Variants in CENPS observed in about 807,000 individuals in gnomAD.
CENPS encodes centromere protein S.
A neutral mutation model predicts 17.9 loss-of-function variants in CENPS; 16 were observed. That is an observed-to-expected ratio of 0.90 (90% CI 0.61 to 1.36). The LOEUF (loss-of-function observed/expected upper bound fraction) is 1.36, where lower values mean the gene tolerates loss of function less well. Ranked by LOEUF, CENPS falls within the 40% of genes most tolerant of loss-of-function variation. The pLI is 0.00. For synonymous variants in CENPS, 49 were observed against 55.8 expected, an observed-to-expected ratio of 0.88 and a Z score of 0.54; for missense variants, 160 against 158.6, an observed-to-expected ratio of 1.01 and a Z score of -0.05.
chr1:10,442,552 T>C lies in CENPS; in HGVS notation c.*147T>C. On this transcript the variant is annotated 3_prime_UTR_variant, in exon 5 of 5. Coordinates refer to ENST00000309048, the MANE Select transcript of CENPS (RefSeq NM_199294.3). Reference sequence around the variant, plus strand: ...GGCTAGGGTGCTTTTTGTGCTGAATTCTCCACATTGTTAACTGCCAAAGCT... The same window carrying C: ...GGCTAGGGTGCTTTTTGTGCTGAATCCTCCACATTGTTAACTGCCAAAGCT... The C allele has an allele frequency of 7.9e-7, 1 of 1,267,466 alleles. No homozygotes were observed. Among genetic ancestry groups the C allele is most frequent in the Non-Finnish European group, 1.0e-6 (1 of 994,114 alleles). The allele number at this position is 1,267,466 out of a possible 1,614,324, so 78.5% of individuals were successfully genotyped here.
chr1:10,433,668 G>A (rs1389921456), intron 1 of CENPS, among the ~76,000 whole-genome samples, 174 bp from the exon 2 acceptor site: 2 of 152,120 alleles, frequency 1.3e-5, no homozygotes, highest in African/African-American at 2.4e-5. Context: ...TCCACAAGTC[G>A]CACTCCAGTG....
chr1:10,437,393 CTTATTTCT>C (rs1232159991), intron 3 of CENPS, among the ~76,000 whole-genome samples: 12 of 117,452 alleles, frequency 1.0e-4, no homozygotes, highest in African/African-American at 3.1e-4. Context: ...ATTCTTATTT[CTTATTTCT>C]TTTTTTTTTT....
At chr1:10,439,611 G>A (rs912729972) in intron 3 of CENPS, among the ~76,000 whole-genome samples, 2 of 152,024 alleles carry the variant, frequency 1.3e-5, no homozygotes, top group South Asian at 2.1e-4. Flanking sequence ...GCATGGTGGC[G>A]GGCGCCTGTA....
intron 1 of CENPS, among the ~76,000 whole-genome samples, chr1:10,433,371 C>T (rs564192828): frequency 1.3e-5 from 2 of 152,260 alleles, no homozygotes; most frequent in East Asian, 1.9e-4. Context: ...TCCTCTGTGA[C>T]GTGCAGGCCT....
intron 1 of CENPS, among the ~76,000 whole-genome samples, chr1:10,431,802 C>T (rs954528565): frequency 1.5e-4 from 22 of 147,364 alleles, no homozygotes; most frequent in Admixed American, 1.4e-3. Context: ...TGCAGTGAGC[C>T]GAGATCGCAC....
rs1437336757 is a variant in CENPS, at chr1:10,440,849, G to A, written c.276+436G>A. Among the ~76,000 whole-genome samples the A allele has an allele frequency of 1.5e-4, 23 of 150,742 alleles. No homozygotes were observed. The Admixed American group carries it at 1.5e-3, about 10-fold the overall frequency. On this transcript the variant is annotated intron_variant, in intron 4 of 4. Transcript: ENST00000309048. ...TCAAGTCTAGAAATCATTTGACCAA[G>A]CCTCCGTTGTTCAGGTGAAGACCCA...
rs773750091 is a variant in CENPS, at chr1:10,434,658, A to G, written c.177A>G (p.Glu59=). Reference sequence around the variant, plus strand: ...GTGTATCTTTTTTTTCTCTTTCAGAAAATTTTGCCAAAGACCTTGAAATGT... The same window carrying G: ...GTGTATCTTTTTTTTCTCTTTCAGAGAATTTTGCCAAAGACCTTGAAATGT... ...AISELTFRQC[E]NFAKDLEMFA... The change falls in exon 3 of 5, where the codon GAA becomes GAG. Residue 59 remains glutamate (E), a splice_region_variant and synonymous_variant. Transcript: ENST00000309048. 11 of 1,605,760 alleles carry G rather than the reference A, an allele frequency of 6.9e-6. No homozygotes were observed. The highest frequency in any genetic ancestry group is 8.5e-6 in the Non-Finnish European group (10 of 1,177,926).
chr1:10,435,742 C>CACACACACACAT lies in CENPS; in HGVS notation c.209+1053_209+1054insCACACACACATA, dbSNP rs1355665711. Among the ~76,000 whole-genome samples, 3 of 150,488 alleles carry CACACACACACAT rather than the reference C, an allele frequency of 2.0e-5. No homozygotes were observed. In the East Asian group the frequency reaches 5.8e-4, roughly 29 times the overall value. On this transcript the variant is annotated intron_variant, in intron 3 of 4. Transcript: ENST00000309048. ...ACACACACACACACACACACATATA[C>CACACACACACAT]ATAAATATTTATATTAGAGACACAG...
intron 1 of CENPS, chr1:10,431,190 G>T: frequency 6.7e-7 from 1 of 1,493,024 alleles, no homozygotes; most frequent in South Asian, 1.3e-5. Context: ...TCAGCGCCGG[G>T]CATATGGGGC....
At chr1:10,441,107 T>C (rs1640388156) in intron 4 of CENPS, among the ~76,000 whole-genome samples, 2 of 152,180 alleles carry the variant, frequency 1.3e-5, no homozygotes, top group African/African-American at 4.8e-5. Context: ...AGTTGTTGAG[T>C]GAATGAATTT....
Position 10,434,460 on chromosome 1 carries a change from G to A in CENPS, c.176-197G>A, listed in dbSNP as rs1405380123. Reference sequence around the variant, plus strand: ...GGGTGAAGGGCTCTGGGAAGGACAAGGAGATCGTCATGAATAAAAAGCTAC... The same window carrying A: ...GGGTGAAGGGCTCTGGGAAGGACAAAGAGATCGTCATGAATAAAAAGCTAC... On this transcript the variant is annotated intron_variant, in intron 2 of 4. Coordinates refer to ENST00000309048, the MANE Select transcript of CENPS (RefSeq NM_199294.3). Among the ~76,000 whole-genome samples, 5 of 152,304 alleles carry A rather than the reference G, an allele frequency of 3.3e-5. No individual in the cohort carries two copies. In the East Asian group the frequency reaches 7.7e-4, roughly 23 times the overall value.
chr1:10,433,727 GA>G, intron 1 of CENPS, 114 bp from the exon 2 acceptor site: 1 of 1,515,850 alleles, frequency 6.6e-7, no homozygotes, highest in East Asian at 2.3e-5. Context: ...AGCCATTATG[GA>G]AAGCGCCAGA....
At chr1:10,432,345 A>G (rs1396019248) in intron 1 of CENPS, among the ~76,000 whole-genome samples, 1 of 152,110 alleles carries the variant, frequency 6.6e-6, no homozygotes, top group Non-Finnish European at 1.5e-5. Flanking sequence ...TTGGCCTCCT[A>G]AAATGCTGAG....
At position 10,433,863 on chromosome 1, in the gene CENPS, T is replaced by C. The variant is rs377530906; in HGVS notation, c.73T>C (p.Tyr25His). Reference sequence around the variant, plus strand: ...CCAGAGGCTAAAGGCAGCAGTTCACTATACTGTGGGTTGTCTTTGCGAGGA... The same window carrying C: ...CCAGAGGCTAAAGGCAGCAGTTCACCATACTGTGGGTTGTCTTTGCGAGGA... ...YQQRLKAAVHYTVGCLCEEVA... is the reference protein window; with the variant it reads ...YQQRLKAAVHHTVGCLCEEVA... Residue 25 changes from tyrosine (Y) to histidine (H), a missense_variant, in exon 2 of 5, where the codon TAT becomes CAT. Transcript: ENST00000309048. The C allele has an allele frequency of 6.2e-7, 1 of 1,614,100 alleles. No homozygotes were observed. The highest frequency in any genetic ancestry group is 8.5e-7 in the Non-Finnish European group (1 of 1,180,042).
At chr1:10,434,068 C>T (rs1466524139) in intron 2 of CENPS, 103 bp downstream of exon 2, 2 of 1,554,034 alleles carry the variant, frequency 1.3e-6, no homozygotes, top group African/African-American at 1.4e-5. Context: ...GACCAGCAGA[C>T]CAAGAATATT....
chr1:10,430,969 G>T, intron 1 of CENPS: 2 of 1,262,502 alleles, frequency 1.6e-6, no homozygotes, highest in Non-Finnish European at 2.0e-6. Context: ...TGGAACGCTG[G>T]CCCTGGAGGC....
rs181472647 is a variant in CENPS at position 10,437,184 on chromosome 1, A to T, written c.209+2494A>T. 2.0e-5 allele frequency among the ~76,000 whole-genome samples: 3 copies of T among 152,024 alleles called. No individual in the cohort carries two copies. In the East Asian group the frequency reaches 5.8e-4, roughly 29 times the overall value. ...GTTTCTTTTTTTTTCTTGAGACAGG[A>T]TCTCTCTGTTACCCAGGCTGGAGTG... On this transcript the variant is annotated intron_variant, in intron 3 of 4. Coordinates refer to ENST00000309048, the MANE Select transcript of CENPS (RefSeq NM_199294.3).
At chr1:10,432,152 A>G (rs1030259190) in intron 1 of CENPS, among the ~76,000 whole-genome samples, 21 of 151,756 alleles carry the variant, frequency 1.4e-4, no homozygotes, top group African/African-American at 4.8e-4. Flanking sequence ...CAGTGGCTCC[A>G]TCTCGCCTCA....
At chr1:10,430,770 G>T (rs556795832) in intron 1 of CENPS, 71 of 1,390,868 alleles carry the variant, frequency 5.1e-5, no homozygotes, top group Non-Finnish European at 5.9e-5. Flanking sequence ...CCTGGCCTGC[G>T]CTGGCTGGGG....
Sources: allele counts gnomAD v4.1 joint callset (sites outside exome capture counted in the v4.1 genomes callset), GRCh38; gene constraint gnomAD v4.1.1; transcripts MANE v1.5; gene names NCBI Gene and HGNC (gene_info 2026-07-23, HGNC 2026-07-21).